Variants in ZNF782 observed in about 807,000 individuals in gnomAD.
The protein encoded by ZNF782 is zinc finger protein 782.
In ZNF782, 12 loss-of-function variants were observed where a neutral mutation model predicts 13.0. The ratio of observed to expected loss-of-function variants is 0.92; its 90% CI spans 0.59 to 1.50. The LOEUF (loss-of-function observed/expected upper bound fraction) is 1.50, where lower values mean the gene tolerates loss of function less well. ZNF782 is among the 40% of genes most tolerant of loss of function. The pLI, the probability that ZNF782 is intolerant of heterozygous loss-of-function variation, is 0.00. For missense variants in ZNF782, 770 were observed against 822.9 expected, an observed-to-expected ratio of 0.94 and a Z score of 0.79; for synonymous variants, 284 against 283.0, an observed-to-expected ratio of 1.00 and a Z score of -0.04.
At chr9:96,852,117 G>C in intron 2 of ZNF782, 112 bp from the exon 3 acceptor site, 1 of 651,494 alleles carries the variant, frequency 1.5e-6, no homozygotes, top group South Asian at 1.9e-5. Context: ...AAGGTAACAG[G>C]GCCCTTCAGG....
At chr9:96,830,367 G>T (rs896954873) in intron 4 of ZNF782, among the ~76,000 whole-genome samples, 8 of 152,126 alleles carry the variant, frequency 5.3e-5, no homozygotes, top group African/African-American at 1.9e-4. Context: ...GCAGTGACAA[G>T]GTCCCCTGCC....
the ZNF782 span, among the ~76,000 whole-genome samples, chr9:96,930,917 C>T: frequency 4.1e-5 from 3 of 73,326 alleles, no homozygotes; most frequent in Admixed American, 4.7e-4. Flanking sequence ...TTTTTTGAGA[C>T]GGAGTCTCGC....
At chr9:96,821,498 A>T (rs563457830) in intron 5 of ZNF782, among the ~76,000 whole-genome samples, 1 of 152,282 alleles carries the variant, frequency 6.6e-6, no homozygotes, top group Admixed American at 6.5e-5. Flanking sequence ...GTTACTGTCT[A>T]TAGTATTCAT....
the ZNF782 span, chr9:96,903,149 C>T: frequency 3.3e-5 from 5 of 151,620 alleles, no homozygotes; most frequent in Admixed American, 2.0e-4. Context: ...GCCACTGCTT[C>T]AATGCAGATA....
At chr9:96,879,708 A>T (rs1011558436), upstream of ZNF782, among the ~76,000 whole-genome samples, 1 of 152,216 alleles carries the variant, frequency 6.6e-6, no homozygotes, top group African/African-American at 2.4e-5. Flanking sequence ...CCTTAAAAAG[A>T]GGAACATTGT....
At chr9:96,895,132 G>C in the ZNF782 span, 1 of 152,304 alleles carries the variant, frequency 6.6e-6, no homozygotes, top group South Asian at 2.1e-4. Context: ...ATTACAGTGG[G>C]AACTGCTGCC....
chr9:96,921,169 G>A, the ZNF782 span, among the ~76,000 whole-genome samples: 6 of 147,982 alleles, frequency 4.1e-5, no homozygotes, highest in African/African-American at 1.5e-4. Flanking sequence ...ACATAAAAGA[G>A]TGTGGACTTT....
intron 1 of ZNF782, among the ~76,000 whole-genome samples, chr9:96,868,867 T>C (rs928058719): frequency 7.2e-5 from 11 of 152,208 alleles, no homozygotes; most frequent in Admixed American, 1.3e-4. Flanking sequence ...AACATTGTCC[T>C]GTGTTGGTTT....
At chr9:96,831,177 T>A (rs1482930187) in intron 4 of ZNF782, among the ~76,000 whole-genome samples, 1 of 151,842 alleles carries the variant, frequency 6.6e-6, no homozygotes, top group East Asian at 1.9e-4. Context: ...CTGCCATGAG[T>A]TAAGGGATAG....
At chr9:96,868,229 G>A (rs906568665) in intron 1 of ZNF782, among the ~76,000 whole-genome samples, 6 of 152,362 alleles carry the variant, frequency 3.9e-5, no homozygotes, top group Admixed American at 6.5e-5. Context: ...GGATTTCCCT[G>A]TAGGGGGAGT....
intron 4 of ZNF782, among the ~76,000 whole-genome samples, chr9:96,836,964 T>C (rs994195436): frequency 7.2e-5 from 11 of 152,160 alleles, no homozygotes; most frequent in African/African-American, 2.7e-4. Flanking sequence ...CCTCATTAGA[T>C]GCAGCTGCCC....
At chr9:96,842,695 T>G (rs1040214580) in intron 4 of ZNF782, among the ~76,000 whole-genome samples, 1 of 152,088 alleles carries the variant, frequency 6.6e-6, no homozygotes, top group South Asian at 2.1e-4. Context: ...ACAAAACTGA[T>G]AAACTGGACT....
At chr9:96,926,642 G>A in the ZNF782 span, among the ~76,000 whole-genome samples, 5 of 151,844 alleles carry the variant, frequency 3.3e-5, no homozygotes, top group African/African-American at 7.2e-5. Flanking sequence ...GGACAAAACC[G>A]AGAACTCATG....
At chr9:96,930,872 G>GTTTT in the ZNF782 span, among the ~76,000 whole-genome samples, 76 of 72,726 alleles carry the variant, frequency 1.0e-3, 16 homozygotes, top group East Asian at 2.9e-3. Context: ...CCATCCAGTG[G>GTTTT]TTTTTTTTTT....
At position 96,816,594 on chromosome 9, in the gene ZNF782, G is replaced by C. The variant is rs1850177595; in HGVS notation, c.*1329C>G. 1 of 152,090 alleles carries C rather than the reference G, an allele frequency of 6.6e-6. No homozygotes were observed. The allele number at this position is 152,090 out of a possible 1,614,324, so 9.4% of individuals were successfully genotyped here. A position where few individuals can be genotyped will look rare whatever the true frequency, so the allele number is the denominator to read the frequency against. On this transcript the variant is annotated 3_prime_UTR_variant, in exon 6 of 6. Coordinates refer to ENST00000481138, the MANE Select transcript of ZNF782 (RefSeq NM_001001662.3). ...AACAGTTCTGATAAAGCAATATCTA[G>C]ATAAAGGCTATTACTTACCTTTCTC...
At chr9:96,925,561 G>A in the ZNF782 span, among the ~76,000 whole-genome samples, 7 of 150,318 alleles carry the variant, frequency 4.7e-5, no homozygotes, top group Admixed American at 4.6e-4. Flanking sequence ...CTTGAACCCA[G>A]GAGGCGGAGG....
At chr9:96,874,649 C>T (rs1851871080) in intron 1 of ZNF782, among the ~76,000 whole-genome samples, 1 of 152,190 alleles carries the variant, frequency 6.6e-6, no homozygotes, top group Non-Finnish European at 1.5e-5. Flanking sequence ...TGGCTATGCT[C>T]CGTCCTGTCT....
upstream of ZNF782, among the ~76,000 whole-genome samples, chr9:96,855,383 A>G (rs972455594): frequency 6.6e-6 from 1 of 152,066 alleles, no homozygotes; most frequent in Admixed American, 6.6e-5. Context: ...CCCCATTTGT[A>G]GTCTTTTATC....
At chr9:96,915,174 T>C in the ZNF782 span, among the ~76,000 whole-genome samples, 1 of 152,084 alleles carries the variant, frequency 6.6e-6, no homozygotes, top group East Asian at 1.9e-4. Context: ...TACAACTCCA[T>C]AGTATTAAAT....
Sources: gnomAD v4.1 joint callset for allele counts (sites outside exome capture counted in the v4.1 genomes callset) on GRCh38, gnomAD v4.1.1 for gene constraint, MANE v1.5 for transcripts, NCBI Gene and HGNC (gene_info 2026-07-23, HGNC 2026-07-21) for gene names.